Variants in SLCO3A1 observed in about 807,000 individuals in gnomAD.
The protein encoded by SLCO3A1 is solute carrier organic anion transporter family member 3A1.
Under a neutral mutation model 63.1 loss-of-function variants are expected in SLCO3A1, and 27 were observed. The observed-to-expected ratio is 0.43, with a 90% CI of 0.32 to 0.59. The LOEUF (loss-of-function observed/expected upper bound fraction) is 0.59. Among genes scored for constraint, SLCO3A1 ranks in the 20% least tolerant of loss-of-function variants. The pLI is 0.09. For missense variants in SLCO3A1, 773 were observed against 945.8 expected (o/e 0.82, Z 2.40); for synonymous variants, 473 against 409.9 (o/e 1.15, Z -1.86).
intron 2 of SLCO3A1, among the ~76,000 whole-genome samples, chr15:92,062,808 A>C (rs549803592): frequency 6.6e-6 from 1 of 152,234 alleles, no homozygotes; most frequent in South Asian, 2.1e-4. Flanking sequence ...GATGCTCATT[A>C]AGGCTTTCCC....
chr15:91,929,512 A>G (rs868686200), intron 2 of SLCO3A1, among the ~76,000 whole-genome samples: 1 of 152,276 alleles, frequency 6.6e-6, no homozygotes, highest in Middle Eastern at 3.4e-3. Flanking sequence ...ACAGGTTCAT[A>G]TTTCCAGTCT....
intron 9 of SLCO3A1, among the ~76,000 whole-genome samples, chr15:92,152,612 G>A (rs576865594): frequency 1.3e-5 from 2 of 152,338 alleles, no homozygotes; most frequent in South Asian, 2.1e-4. Flanking sequence ...CAGTGGGAGG[G>A]TGCAGTCTGC....
intron 2 of SLCO3A1, among the ~76,000 whole-genome samples, chr15:91,926,601 G>GCGCACA (rs1356750336): frequency 1.4e-5 from 2 of 148,006 alleles, no homozygotes; most frequent in East Asian, 2.0e-4. Flanking sequence ...GTGTGTGCGC[G>GCGCACA]CGCGCACGCC....
intron 2 of SLCO3A1, among the ~76,000 whole-genome samples, chr15:91,934,798 G>T (rs867670807): frequency 6.6e-6 from 1 of 152,026 alleles, no homozygotes; most frequent in South Asian, 2.1e-4. Flanking sequence ...ACTTCTTTTC[G>T]ATGTTAAGCC....
intron 2 of SLCO3A1, among the ~76,000 whole-genome samples, chr15:91,987,048 T>G (rs913551402): frequency 2.0e-5 from 3 of 152,110 alleles, no homozygotes; most frequent in African/African-American, 7.2e-5. Flanking sequence ...CTTTGGGGCT[T>G]CACAGCCCCA....
At chr15:91,880,409 C>CTGTGTGTGTGTGTGTGTGTGTGTGTGTG (rs58932263) in intron 1 of SLCO3A1, among the ~76,000 whole-genome samples, 2 of 142,276 alleles carry the variant, frequency 1.4e-5, no homozygotes, top group African/African-American at 5.4e-5. Context: ...CTCTCTCTCT[C>CTGTGTGTGTGTGTGTGTGTGTGTGTGTG]TGTGTGTGTG....
chr15:92,001,827 C>CTTTTTTTT lies in SLCO3A1; in HGVS notation c.646+85388_646+85395dup, dbSNP rs59951621. Reference sequence around the variant, plus strand: ...GAAATCCATGGAAGTTGTGTGAGTTCTTTTTTTTTTTTTTTTTTTTTTTTT... The same window carrying CTTTTTTTT: ...GAAATCCATGGAAGTTGTGTGAGTTCTTTTTTTTTTTTTTTTTTTTTTTTTTTTTTTTT... On this transcript the variant is annotated intron_variant, in intron 2 of 9. Transcript: ENST00000318445. 6.2e-5 allele frequency among the ~76,000 whole-genome samples: 5 copies of CTTTTTTTT among 80,134 alleles called. 1 individual carries two copies. The highest frequency in any genetic ancestry group is 6.9e-5 in the Non-Finnish European group (3 of 43,602). The allele number at this position is 80,134 out of a possible 152,430, so 52.6% of individuals were successfully genotyped here.
intron 1 of SLCO3A1, among the ~76,000 whole-genome samples, chr15:91,874,211 T>G (rs2151336966): frequency 6.6e-6 from 1 of 152,294 alleles, no homozygotes; most frequent in South Asian, 2.1e-4. Flanking sequence ...GTGAATGTGG[T>G]CTCTCTCAAT....
At chr15:92,097,282 A>G (rs2047550745) in intron 3 of SLCO3A1, among the ~76,000 whole-genome samples, 1 of 152,182 alleles carries the variant, frequency 6.6e-6, no homozygotes, top group South Asian at 2.1e-4. Context: ...CAAGGAATGT[A>G]TCTCTATAAA....
chr15:92,039,103 G>T (rs2046763380), intron 2 of SLCO3A1, among the ~76,000 whole-genome samples: 1 of 152,146 alleles, frequency 6.6e-6, no homozygotes. Flanking sequence ...AGACTTAAAT[G>T]TAAAACCCAA....
Position 92,163,725 on chromosome 15 carries a change from T to C in SLCO3A1, c.*590T>C, listed in dbSNP as rs2048469619. 2 of 985,390 alleles carry C rather than the reference T, an allele frequency of 2.0e-6. No individual in the cohort carries two copies. Among genetic ancestry groups the C allele is most frequent in the Non-Finnish European group, 2.4e-6 (2 of 829,952 alleles). 61.0% of individuals were successfully genotyped at this position (985,390 alleles called of 1,614,324 possible). ...CAATATGGGTCACTGTGTAGACGACTCACCCAGTCTGCATGTGGTTCAAGG... is the reference window on the plus strand; with the variant it reads ...CAATATGGGTCACTGTGTAGACGACCCACCCAGTCTGCATGTGGTTCAAGG... On this transcript the variant is annotated 3_prime_UTR_variant, in exon 10 of 10. Coordinates refer to ENST00000318445, the MANE Select transcript of SLCO3A1 (RefSeq NM_013272.4).
intron 2 of SLCO3A1, among the ~76,000 whole-genome samples, chr15:92,016,337 GT>G (rs1189972571): frequency 6.6e-6 from 1 of 151,912 alleles, no homozygotes; most frequent in South Asian, 2.1e-4. Context: ...ATCAAACATT[GT>G]TTTTTTGGTA....
intron 2 of SLCO3A1, among the ~76,000 whole-genome samples, chr15:92,086,937 C>A (rs1002710798): frequency 6.7e-6 from 1 of 148,698 alleles, no homozygotes; most frequent in African/African-American, 2.5e-5. Flanking sequence ...GAGCTGAGAT[C>A]AAGTCACTTC....
chr15:91,943,829 C>T (rs1277004240), intron 2 of SLCO3A1, among the ~76,000 whole-genome samples: 1 of 152,186 alleles, frequency 6.6e-6, no homozygotes, highest in Non-Finnish European at 1.5e-5. Flanking sequence ...CTTCCTCTCC[C>T]CAGAGGCCAG....
chr15:92,163,068 A>G lies in SLCO3A1; in HGVS notation c.2066A>G (p.His689Arg). 3 of 1,562,618 alleles carry G rather than the reference A, an allele frequency of 1.9e-6. No homozygotes were observed. Among genetic ancestry groups the G allele is most frequent in the Non-Finnish European group, 2.6e-6 (3 of 1,156,394 alleles). ...GACCCTGTGCCCGCAAACCAGACACATAGGACAAAGTTTATCTATAACCTG... is the reference window on the plus strand; with the variant it reads ...GACCCTGTGCCCGCAAACCAGACACGTAGGACAAAGTTTATCTATAACCTG... ...GRDPVPANQT[H>R]RTKFIYNLED... is the part of the protein sequence containing the mutation. The change falls in exon 10 of 10, where the codon CAT becomes CGT. Residue 689 changes from histidine to arginine, a missense_variant. His to Arg is a conservative substitution (Grantham distance 29, BLOSUM62 0). This residue lies in a region of SLCO3A1 where 139 missense variants were observed against 131.4 expected (regional missense o/e 1.06). Transcript: ENST00000318445.
intron 8 of SLCO3A1, 75 bp from the exon 9 acceptor site, chr15:92,150,875 G>T: frequency 9.9e-7 from 1 of 1,014,204 alleles, no homozygotes; most frequent in South Asian, 1.5e-5. Flanking sequence ...AGCAGCAAAT[G>T]ACTCTGGGGT....
At chr15:92,043,350 G>A (rs940251070) in intron 2 of SLCO3A1, among the ~76,000 whole-genome samples, 4 of 152,164 alleles carry the variant, frequency 2.6e-5, no homozygotes, top group Non-Finnish European at 4.4e-5. Context: ...AACAAACAGG[G>A]GCCAAACATC....
chr15:92,076,290 G>C (rs760505107), intron 2 of SLCO3A1, among the ~76,000 whole-genome samples: 3 of 152,144 alleles, frequency 2.0e-5, no homozygotes, highest in Non-Finnish European at 4.4e-5. Context: ...GTGCCAACCT[G>C]GCTAGCACCT....
chr15:92,168,575 G>T (rs2048505549), downstream of SLCO3A1, among the ~76,000 whole-genome samples: 1 of 152,216 alleles, frequency 6.6e-6, no homozygotes, highest in African/African-American at 2.4e-5. Context: ...GTCTCAAGCA[G>T]CACTGCATGT....
Sources: allele counts gnomAD v4.1 joint callset (sites outside exome capture counted in the v4.1 genomes callset), GRCh38; gene constraint gnomAD v4.1.1; regional missense constraint gnomAD v4.1.1; transcripts MANE v1.5; gene names NCBI Gene and HGNC (gene_info 2026-07-23, HGNC 2026-07-21).